The following SLC24A2 variants were observed in gnomAD, a reference collection of about 807,000 sequenced individuals.
SLC24A2 encodes the protein sodium/potassium/calcium exchanger 2.
Under a neutral mutation model 62.0 loss-of-function variants are expected in SLC24A2, and 36 were observed. That is an observed-to-expected ratio of 0.58 (90% CI 0.44 to 0.77). The LOEUF (loss-of-function observed/expected upper bound fraction) is 0.77. SLC24A2 is among the 30% of genes least tolerant of loss of function. The pLI is 0.00. For missense variants in SLC24A2, 846 were observed against 817.9 expected (o/e 1.03, Z -0.42); for synonymous variants, 358 against 294.0 (o/e 1.22, Z -2.23).
chr9:20,051,657 C>CTTTTTTTTTTTTTTTTTTTTTTT, the SLC24A2 span, among the ~76,000 whole-genome samples: 12 of 73,508 alleles, frequency 1.6e-4, no homozygotes, highest in Non-Finnish European at 2.4e-4. Context: ...TTTTCTTTCT[C>CTTTTTTTTTTTTTTTTTTTTTTT]TTTTTTTTTT....
chr9:20,278,079 T>A, the SLC24A2 span, among the ~76,000 whole-genome samples: 7 of 151,666 alleles, frequency 4.6e-5, no homozygotes, highest in East Asian at 1.2e-3. Flanking sequence ...CACGCCAGGG[T>A]CTGTCGTGGG....
the SLC24A2 span, among the ~76,000 whole-genome samples, chr9:20,179,585 C>T: frequency 6.6e-6 from 1 of 152,086 alleles, no homozygotes; most frequent in Non-Finnish European, 1.5e-5. Context: ...TGAAAGCTTC[C>T]CTCTGTGCAC....
chr9:19,812,627 A>C, the SLC24A2 span, among the ~76,000 whole-genome samples: 2 of 152,144 alleles, frequency 1.3e-5, no homozygotes, highest in Admixed American at 1.3e-4. Context: ...TGTAAGAACC[A>C]CCTGTAGTTC....
At chr9:20,167,114 A>G in the SLC24A2 span, among the ~76,000 whole-genome samples, 97 of 152,070 alleles carry the variant, frequency 6.4e-4, no homozygotes, top group African/African-American at 2.1e-3. Flanking sequence ...TGCACCCTGC[A>G]ATCCTACTGT....
chr9:19,642,067 G>T (rs977020865), intron 2 of SLC24A2, among the ~76,000 whole-genome samples: 2 of 152,140 alleles, frequency 1.3e-5, no homozygotes, highest in African/African-American at 4.8e-5. Context: ...AAGTGTGTGT[G>T]AGTAGGAGTG....
the SLC24A2 span, among the ~76,000 whole-genome samples, chr9:20,100,559 T>C: frequency 1.3e-5 from 2 of 152,250 alleles, no homozygotes; most frequent in Non-Finnish European, 2.9e-5. Context: ...TTCATGAAGA[T>C]GGAAGGCTTT....
chr9:19,931,943 T>C, the SLC24A2 span, among the ~76,000 whole-genome samples: 1 of 152,030 alleles, frequency 6.6e-6, no homozygotes, highest in Admixed American at 6.5e-5. Flanking sequence ...TTATTTTTAG[T>C]TTTGAGTCTT....
chr9:19,863,474 T>C, the SLC24A2 span, among the ~76,000 whole-genome samples: 1 of 151,886 alleles, frequency 6.6e-6, no homozygotes, highest in African/African-American at 2.4e-5. Context: ...AGGTCACAAA[T>C]CAAGTCTCAA....
intron 2 of SLC24A2, among the ~76,000 whole-genome samples, chr9:19,644,436 A>G (rs1818585631): frequency 6.6e-6 from 1 of 152,146 alleles, no homozygotes; most frequent in Non-Finnish European, 1.5e-5. Context: ...AACCTATGAG[A>G]TCAGTTTTGT....
intron 2 of SLC24A2, 86 bp downstream of exon 2, chr9:19,785,851 C>T: frequency 1.9e-6 from 3 of 1,561,840 alleles, no homozygotes; most frequent in South Asian, 1.1e-5. Context: ...AACACCATCA[C>T]ATCAAAAGAA....
At chr9:20,046,152 A>G in the SLC24A2 span, among the ~76,000 whole-genome samples, 2 of 152,222 alleles carry the variant, frequency 1.3e-5, no homozygotes, top group African/African-American at 4.8e-5. Flanking sequence ...TAACACACAC[A>G]TGCTTGTGGA....
At chr9:19,726,172 G>T (rs566232092) in intron 2 of SLC24A2, among the ~76,000 whole-genome samples, 11 of 152,252 alleles carry the variant, frequency 7.2e-5, no homozygotes, top group African/African-American at 2.6e-4. Flanking sequence ...AGTCTCCCTG[G>T]AGTCACCTCT....
intron 2 of SLC24A2, among the ~76,000 whole-genome samples, chr9:19,676,845 C>T (rs1037772383): frequency 6.6e-6 from 1 of 152,150 alleles, no homozygotes; most frequent in African/African-American, 2.4e-5. Context: ...TCTTTATTAA[C>T]ATTTTTAACA....
At position 19,754,793 on chromosome 9, in the gene SLC24A2, T is replaced by C. The variant is rs569215886; in HGVS notation, c.930+31144A>G. ...ACTGTGCCAAAATGCACAGTTCCAGTGGCAGCATCCCGATTCCTCTCCTGC... is the reference window on the plus strand; with the variant it reads ...ACTGTGCCAAAATGCACAGTTCCAGCGGCAGCATCCCGATTCCTCTCCTGC... On this transcript the variant is annotated intron_variant, in intron 2 of 10. Coordinates refer to ENST00000341998, the MANE Select transcript of SLC24A2 (RefSeq NM_020344.4). Among the ~76,000 whole-genome samples, 3 of 152,192 alleles carry C rather than the reference T, an allele frequency of 2.0e-5. No homozygotes were observed. In the South Asian group the frequency reaches 6.2e-4, roughly 32 times the overall value.
chr9:19,525,942 G>T (rs1586891548), intron 9 of SLC24A2, among the ~76,000 whole-genome samples: 1 of 151,910 alleles, frequency 6.6e-6, no homozygotes, highest in Admixed American at 6.6e-5. Context: ...CATAATTTAG[G>T]TTTTGAACTT....
At chr9:20,160,891 G>A in the SLC24A2 span, among the ~76,000 whole-genome samples, 13 of 150,182 alleles carry the variant, frequency 8.7e-5, no homozygotes, top group Non-Finnish European at 7.4e-5. Context: ...AAAAAGATCA[G>A]AGCAGAAAAT....
At chr9:19,675,543 G>T (rs542826526) in intron 2 of SLC24A2, among the ~76,000 whole-genome samples, 1 of 152,242 alleles carries the variant, frequency 6.6e-6, no homozygotes, top group South Asian at 2.1e-4. Flanking sequence ...CTGTTGCAGA[G>T]GATGAGGGTA....
chr9:20,030,850 A>G, the SLC24A2 span, among the ~76,000 whole-genome samples: 1 of 152,256 alleles, frequency 6.6e-6, no homozygotes, highest in African/African-American at 2.4e-5. Context: ...GAAGTTGCAA[A>G]TGTAGTATCC....
chr9:20,291,259 G>C, the SLC24A2 span, among the ~76,000 whole-genome samples: 1 of 152,262 alleles, frequency 6.6e-6, no homozygotes, highest in East Asian at 1.9e-4. Flanking sequence ...TAGAAAAACA[G>C]AGTGCCAAGG....
Sources: gnomAD v4.1 joint callset for allele counts (sites outside exome capture counted in the v4.1 genomes callset) on GRCh38, gnomAD v4.1.1 for gene constraint, MANE v1.5 for transcripts, NCBI Gene and HGNC (gene_info 2026-07-23, HGNC 2026-07-21) for gene names.